OSBPL6: variants seen among roughly 807,000 people sequenced by gnomAD.
The protein encoded by OSBPL6 is oxysterol-binding protein-related protein 6.
In OSBPL6, 49 loss-of-function variants were observed where a neutral mutation model predicts 125.8. The ratio of observed to expected loss-of-function variants is 0.39; its 90% CI spans 0.31 to 0.49. The LOEUF (loss-of-function observed/expected upper bound fraction) is 0.49, where lower values mean the gene tolerates loss of function less well. OSBPL6 is among the 20% of genes least tolerant of loss of function. The pLI, the probability that OSBPL6 is intolerant of heterozygous loss-of-function variation, is 0.88. For synonymous variants in OSBPL6, 394 were observed against 391.8 expected (o/e 1.01, Z -0.07); for missense variants, 986 against 1,135.4 (o/e 0.87, Z 1.89).
intron 1 of OSBPL6, among the ~76,000 whole-genome samples, chr2:178,260,078 A>C (rs528211107): frequency 2.0e-5 from 3 of 152,218 alleles, no homozygotes; most frequent in Non-Finnish European, 4.4e-5. Context: ...TCTGTAAAAA[A>C]TAACTGTTCC....
At position 178,402,297 on chromosome 2, in the gene OSBPL6, C is replaced by T. The variant is rs1482521759; in HGVS notation, c.*6738C>T. The T allele has an allele frequency of 1.3e-5, 2 of 152,168 alleles. No individual in the cohort carries two copies. The highest frequency in any genetic ancestry group is 4.8e-5 in the African/African-American group (2 of 41,430). 9.4% of individuals were successfully genotyped at this position (152,168 alleles called of 1,614,324 possible). On this transcript the variant is annotated 3_prime_UTR_variant, in exon 25 of 25. Coordinates refer to ENST00000190611, the MANE Select transcript of OSBPL6 (RefSeq NM_032523.4). ...TGCTAAACCGGAGAACGTAAAAATACATTCCTAGAGGCAATCTAACCAGCC... is the reference window on the plus strand; with the variant it reads ...TGCTAAACCGGAGAACGTAAAAATATATTCCTAGAGGCAATCTAACCAGCC...
intron 2 of OSBPL6, among the ~76,000 whole-genome samples, chr2:178,300,851 T>A (rs950849672): frequency 5.9e-5 from 9 of 152,146 alleles, no homozygotes; most frequent in Admixed American, 3.3e-4. Context: ...AAAGGAGAAT[T>A]ATATCTTTCA....
intron 11 of OSBPL6, among the ~76,000 whole-genome samples, chr2:178,347,390 A>G (rs759553775): frequency 2.0e-5 from 3 of 152,144 alleles, no homozygotes; most frequent in Non-Finnish European, 4.4e-5. Context: ...AAACTGTACC[A>G]TTAATTCTGA....
At chr2:178,293,744 T>G (rs1425168733) in intron 2 of OSBPL6, among the ~76,000 whole-genome samples, 1 of 152,094 alleles carries the variant, frequency 6.6e-6, no homozygotes, top group Non-Finnish European at 1.5e-5. Flanking sequence ...TCATTCTAAC[T>G]ATTTTTTGTA....
chr2:178,363,318 G>A (rs1574974183), intron 13 of OSBPL6, among the ~76,000 whole-genome samples: 1 of 152,172 alleles, frequency 6.6e-6, no homozygotes, highest in African/African-American at 2.4e-5. Context: ...TTTTACAACA[G>A]TTATTCATTT....
chr2:178,386,931 C>T, intron 19 of OSBPL6, 130 bp from the exon 20 acceptor site: 1 of 490,996 alleles, frequency 2.0e-6, no homozygotes, highest in Non-Finnish European at 3.5e-6. Context: ...ACTTGTCATA[C>T]TAAATCAGCA....
chr2:178,393,936 A>G (rs1340841238), intron 23 of OSBPL6, among the ~76,000 whole-genome samples: 1 of 152,208 alleles, frequency 6.6e-6, no homozygotes. Context: ...GCTTTCTGAT[A>G]ATATAGAAAA....
In OSBPL6 at chr2:178,311,585, A is replaced by G. The variant is rs1213354252; in HGVS notation, c.102+5299A>G. 2.0e-5 allele frequency among the ~76,000 whole-genome samples: 3 copies of G among 152,244 alleles called. No individual in the cohort carries two copies. In the East Asian group the frequency reaches 5.8e-4, roughly 29 times the overall value. On this transcript the variant is annotated intron_variant, in intron 3 of 24. Transcript: ENST00000190611. ...GCGCCTCACATTTGGTATGCTCAAG[A>G]TGTATTAGAAGCAATAAATGAATGA...
At chr2:178,356,386 A>C (rs1400996783) in intron 12 of OSBPL6, among the ~76,000 whole-genome samples, 1 of 152,244 alleles carries the variant, frequency 6.6e-6, no homozygotes, top group East Asian at 1.9e-4. Flanking sequence ...CAACTTCAGC[A>C]AAATCTCAGG....
intron 12 of OSBPL6, among the ~76,000 whole-genome samples, chr2:178,356,993 ATTCCCTATT>A (rs895151325): frequency 1.1e-4 from 16 of 152,236 alleles, no homozygotes; most frequent in African/African-American, 3.9e-4. Flanking sequence ...TGGAGAAAGG[ATTCCCTATT>A]TAATAAATGG....
intron 1 of OSBPL6, among the ~76,000 whole-genome samples, chr2:178,201,679 G>C (rs993720449): frequency 6.6e-6 from 1 of 152,186 alleles, no homozygotes; most frequent in African/African-American, 2.4e-5. Context: ...TGAGGTGTCC[G>C]AGCCAGTGCC....
At chr2:178,250,110 A>C (rs745978443) in intron 1 of OSBPL6, among the ~76,000 whole-genome samples, 4 of 152,212 alleles carry the variant, frequency 2.6e-5, no homozygotes, top group African/African-American at 4.8e-5. Flanking sequence ...ATGCTAACAC[A>C]GAAGTTAGTA....
Position 178,335,851 on chromosome 2 carries a change from G to A in OSBPL6, c.658-450G>A, listed in dbSNP as rs571909893. 3.9e-5 allele frequency among the ~76,000 whole-genome samples: 6 copies of A among 152,264 alleles called. 1 individual carries two copies. In the South Asian group the frequency reaches 1.2e-3, roughly 32 times the overall value. ...ATTTCCAATACGAATTCAAGGCATT[G>A]CAAGGTTGCTTACTGGTGGATAATG... On this transcript the variant is annotated intron_variant, in intron 8 of 24. Coordinates refer to ENST00000190611, the MANE Select transcript of OSBPL6 (RefSeq NM_032523.4).
At chr2:178,322,311 C>T (rs73032547) in intron 3 of OSBPL6, among the ~76,000 whole-genome samples, 335 of 152,046 alleles carry the variant, frequency 2.2e-3, no homozygotes, top group African/African-American at 7.6e-3. Flanking sequence ...GGATGGGGAT[C>T]GGGGAGAGTC....
rs77008430 is a variant in OSBPL6 at position 178,307,284 on chromosome 2, C to A, written c.102+998C>A. Among the ~76,000 whole-genome samples the A allele has an allele frequency of 7.5e-3, 1,145 of 152,228 alleles. 13 individuals are homozygous for A. Among genetic ancestry groups the A allele is most frequent in the African/African-American group, 0.026 (1,097 of 41,520 alleles). On this transcript the variant is annotated intron_variant, in intron 3 of 24. Transcript: ENST00000190611. ...AAAAATGAATTCATTTTCGATAGTG[C>A]AAGTACACTGCTGGGGATGCTTTTT...
intron 11 of OSBPL6, among the ~76,000 whole-genome samples, chr2:178,345,835 T>C (rs184326070): frequency 4.2e-4 from 64 of 152,340 alleles, no homozygotes; most frequent in African/African-American, 1.4e-3. Flanking sequence ...TTCTTTTAAA[T>C]TGCAGATACA....
At chr2:178,282,171 G>A (rs1170278518) in intron 1 of OSBPL6, among the ~76,000 whole-genome samples, 1 of 152,214 alleles carries the variant, frequency 6.6e-6, no homozygotes, top group Admixed American at 6.5e-5. Flanking sequence ...GATTTTGAAG[G>A]CTGTATTGGC....
In OSBPL6 at chr2:178,208,922, GT is replaced by G. The variant is rs2089695912; in HGVS notation, c.-351+14249del. ...ACACTATTCTCATTCTTGATTTATA[GT>G]CTGGGCCTAAAATTCAAGGTTGGGA... On this transcript the variant is annotated intron_variant, in intron 1 of 24. Coordinates refer to ENST00000190611, the MANE Select transcript of OSBPL6 (RefSeq NM_032523.4). Among the ~76,000 whole-genome samples, 17 of 147,100 alleles carry G rather than the reference GT, an allele frequency of 1.2e-4. No individual in the cohort carries two copies. The Admixed American group carries it at 1.2e-3, about 10-fold the overall frequency.
intron 13 of OSBPL6, among the ~76,000 whole-genome samples, chr2:178,370,714 T>C (rs1693304422): frequency 1.3e-5 from 2 of 152,212 alleles, no homozygotes; most frequent in Non-Finnish European, 2.9e-5. Context: ...CCAAATGTAA[T>C]GACTGTAGAA....
Sources: gnomAD v4.1 joint callset for allele counts (sites outside exome capture counted in the v4.1 genomes callset) on GRCh38, gnomAD v4.1.1 for gene constraint, MANE v1.5 for transcripts, NCBI Gene and HGNC (gene_info 2026-07-23, HGNC 2026-07-21) for gene names.